STIM1: variants seen among roughly 807,000 people sequenced by gnomAD.
STIM1 encodes stromal interaction molecule 1.
STIM1 carries 25 observed loss-of-function variants against 74.7 expected under a neutral mutation model. The ratio of observed to expected loss-of-function variants is 0.33; its 90% CI spans 0.24 to 0.47. The LOEUF is 0.47. Ranked by LOEUF, STIM1 falls within the 20% of genes least tolerant of loss-of-function variation. The probability of loss-of-function intolerance (pLI) is 1.00; values close to 1 mark genes in which losing one functional copy is unlikely to be tolerated. For synonymous variants in STIM1, 328 were observed against 348.8 expected (o/e 0.94, Z 0.66); for missense variants, 728 against 920.8 (o/e 0.79, Z 2.71).
chr11:3,978,336 C>T (rs1048014711), intron 2 of STIM1, among the ~76,000 whole-genome samples: 4 of 150,818 alleles, frequency 2.7e-5, no homozygotes, highest in African/African-American at 9.7e-5. Context: ...TTAGTAGAGA[C>T]GGGGTTTCTC....
rs78285130 is a variant in STIM1, at chr11:3,956,823, C to CAAAAAAAAAAAAAA, written c.140-10714_140-10701dup. On this transcript the variant is annotated intron_variant, in intron 1 of 12. Coordinates refer to ENST00000526596, the MANE Select transcript of STIM1 (RefSeq NM_001382567.1). The stretch of plus-strand genomic sequence containing the variant: ...GGGTGACAGAGCAAGACCCTGTCTC[C>CAAAAAAAAAAAAAA]AAAAAAAAAAAAAAAAAAAAAAAAA... 1.6e-4 allele frequency among the ~76,000 whole-genome samples: 6 copies of CAAAAAAAAAAAAAA among 38,198 alleles called. 1 individual carries two copies. The highest frequency in any genetic ancestry group is 2.8e-4 in the Non-Finnish European group (5 of 18,124). 25.1% of individuals were successfully genotyped at this position (38,198 alleles called of 152,430 possible). A position where few individuals can be genotyped will look rare whatever the true frequency, so the allele number is the denominator to read the frequency against.
At chr11:3,964,132 G>A (rs1454245821) in intron 1 of STIM1, among the ~76,000 whole-genome samples, 2 of 152,208 alleles carry the variant, frequency 1.3e-5, no homozygotes, top group Non-Finnish European at 2.9e-5. Context: ...ATATCTTATG[G>A]TTTGTAATTG....
chr11:4,006,909 C>G (rs2093787665), intron 2 of STIM1, among the ~76,000 whole-genome samples: 1 of 152,060 alleles, frequency 6.6e-6, no homozygotes, highest in African/African-American at 2.4e-5. Context: ...AGGAAGAACC[C>G]AGGAAAGCCA....
rs1192302028 is a variant in STIM1 at position 4,055,530 on chromosome 11, C to T, written c.390C>T (p.Tyr130=). 6.3e-7 allele frequency: 1 copy of T among 1,594,374 alleles called. No individual in the cohort carries two copies. Among genetic ancestry groups the T allele is most frequent in the Admixed American group, 1.7e-5 (1 of 57,426 alleles). The change falls in exon 4 of 13, where the codon TAC becomes TAT. Residue 130 remains tyrosine, a synonymous_variant. Transcript: ENST00000526596. ...TTTGCTTGTCTCTTTTCACAGTATA[C>T]AATTGGACCGTGGATGAGGTGGTAC... ...LWKAWKSSEV[Y]NWTVDEVVQW...
Position 3,855,956 on chromosome 11 carries a change from G to C in STIM1, c.-315G>C, listed in dbSNP as rs911616304. ...ACTCCGGCCGCCCCCTTCCGCAGGG[G>C]TGTAGTAATCTGCGGAGCTGACAGC... On this transcript the variant is annotated 5_prime_UTR_variant, in exon 1 of 13. Coordinates refer to ENST00000526596, the MANE Select transcript of STIM1 (RefSeq NM_001382567.1). 3 of 420,186 alleles carry C rather than the reference G, an allele frequency of 7.1e-6. No individual in the cohort carries two copies. The highest frequency in any genetic ancestry group is 1.3e-5 in the Non-Finnish European group (3 of 223,524). The allele number at this position is 420,186 out of a possible 1,614,324, so 26.0% of individuals were successfully genotyped here.
intron 2 of STIM1, among the ~76,000 whole-genome samples, chr11:3,984,488 T>A (rs1212442637): frequency 6.6e-6 from 1 of 152,192 alleles, no homozygotes; most frequent in Non-Finnish European, 1.5e-5. Flanking sequence ...GCTAAAGAAA[T>A]GTCCTGTTCC....
chr11:3,873,597 C>G (rs1590513757), intron 1 of STIM1, among the ~76,000 whole-genome samples: 1 of 152,012 alleles, frequency 6.6e-6, no homozygotes, highest in East Asian at 1.9e-4. Flanking sequence ...AGGACCAAAA[C>G]TAGCTTTTTA....
At chr11:4,008,665 G>A (rs1051478371) in intron 2 of STIM1, among the ~76,000 whole-genome samples, 1 of 152,132 alleles carries the variant, frequency 6.6e-6, no homozygotes, top group Non-Finnish European at 1.5e-5. Flanking sequence ...TGGATAGGAC[G>A]CCATTTCATT....
intron 3 of STIM1, chr11:4,049,712 CCAAACACACACA>C (rs1216533227): frequency 3.5e-4 from 34 of 97,690 alleles, no homozygotes; most frequent in Admixed American, 2.0e-3. Context: ...ACCCCCCTGC[CCAAACACACACA>C]CACACACACA....
intron 5 of STIM1, among the ~76,000 whole-genome samples, chr11:4,068,843 T>C (rs1203636683): frequency 6.6e-6 from 1 of 152,184 alleles, no homozygotes; most frequent in Non-Finnish European, 1.5e-5. Context: ...TATCATATGG[T>C]TTCTTTTTCT....
rs1391423219 is a variant in STIM1, at chr11:3,888,320, AT to A, written c.139+31912del. On this transcript the variant is annotated intron_variant, in intron 1 of 12. Coordinates refer to ENST00000526596, the MANE Select transcript of STIM1 (RefSeq NM_001382567.1). ...CAAGGTGAATGATTGAGATGCTTTT[AT>A]GGGGTTCAAGCTTTTGCTAGATCCT... Among the ~76,000 whole-genome samples, 3 of 152,230 alleles carry A rather than the reference AT, an allele frequency of 2.0e-5. No individual in the cohort carries two copies. The East Asian group carries it at 5.8e-4, about 29-fold the overall frequency.
intron 1 of STIM1, among the ~76,000 whole-genome samples, chr11:3,896,819 A>G (rs1325818313): frequency 2.0e-5 from 3 of 152,172 alleles, no homozygotes; most frequent in Non-Finnish European, 4.4e-5. Flanking sequence ...TATGCTAGCT[A>G]TAGTGCTTTG....
At chr11:3,906,157 A>G (rs574594337) in intron 1 of STIM1, among the ~76,000 whole-genome samples, 2 of 152,180 alleles carry the variant, frequency 1.3e-5, no homozygotes, top group East Asian at 1.9e-4. Flanking sequence ...TTGACAAACT[A>G]CTCGTGAGGA....
At chr11:4,033,720 C>G (rs981826207) in intron 3 of STIM1, among the ~76,000 whole-genome samples, 5 of 151,734 alleles carry the variant, frequency 3.3e-5, no homozygotes, top group South Asian at 2.1e-4. Flanking sequence ...CTCAGCCTCC[C>G]GAGTAGCTGG....
intron 4 of STIM1, among the ~76,000 whole-genome samples, chr11:4,057,005 A>T (rs1402555318): frequency 1.3e-5 from 2 of 152,114 alleles, no homozygotes; most frequent in Admixed American, 1.3e-4. Flanking sequence ...TATTCAGTTT[A>T]GTTCTATTTT....
chr11:3,958,690 T>C (rs181689616), intron 1 of STIM1, among the ~76,000 whole-genome samples: 135 of 152,104 alleles, frequency 8.9e-4, no homozygotes, highest in Admixed American at 1.5e-3. Flanking sequence ...ATTTCCATAG[T>C]CAGGCGCAGT....
At chr11:4,002,014 A>G (rs1271352732) in intron 2 of STIM1, among the ~76,000 whole-genome samples, 1 of 139,990 alleles carries the variant, frequency 7.1e-6, no homozygotes, top group Non-Finnish European at 1.5e-5. Context: ...TGGTAAAGGG[A>G]TCAATTCAAC....
In STIM1 at chr11:4,053,705, A is replaced by G. The variant is rs1029115051; in HGVS notation, c.386-1821A>G. ...TGTAAAAAACCTGCACATTGTGCAC[A>G]TGTACCCTAGAACTTAAAGTATAAT... On this transcript the variant is annotated intron_variant, in intron 3 of 12. Coordinates refer to ENST00000526596, the MANE Select transcript of STIM1 (RefSeq NM_001382567.1). 7.2e-5 allele frequency among the ~76,000 whole-genome samples: 11 copies of G among 152,296 alleles called. No individual in the cohort carries two copies. The South Asian group carries it at 2.1e-3, about 29-fold the overall frequency.
intron 2 of STIM1, chr11:3,974,003 A>C (rs955038274): frequency 2.9e-6 from 2 of 683,514 alleles, no homozygotes; most frequent in African/African-American, 1.8e-5. Flanking sequence ...TCTTCTGTCC[A>C]CCTTATGTAG....
Sources: allele counts gnomAD v4.1 joint callset (sites outside exome capture counted in the v4.1 genomes callset), GRCh38; gene constraint gnomAD v4.1.1; transcripts MANE v1.5; gene names NCBI Gene and HGNC (gene_info 2026-07-23, HGNC 2026-07-21).